The following ERBB4 variants were observed in gnomAD, a reference collection of about 807,000 sequenced individuals.
ERBB4 encodes the protein erb-b2 receptor tyrosine kinase 4, also known as receptor tyrosine-protein kinase erbB-4.
In ERBB4, 42 loss-of-function variants were observed where a neutral mutation model predicts 158.0. The observed-to-expected ratio is 0.27, with a 90% confidence interval of 0.21 to 0.34. The LOEUF (loss-of-function observed/expected upper bound fraction) is 0.34, where lower values mean the gene tolerates loss of function less well. ERBB4 is among the 10% of genes least tolerant of loss of function. ERBB4 has a pLI of 1.00. For synonymous variants in ERBB4, 583 were observed against 558.7 expected (o/e 1.04, Z -0.61); for missense variants, 1,333 against 1,624.1 (o/e 0.82, Z 3.08).
chr2:212,464,262 C>A (rs1421875210), intron 1 of ERBB4, among the ~76,000 whole-genome samples: 1 of 151,984 alleles, frequency 6.6e-6, no homozygotes, highest in Non-Finnish European at 1.5e-5. Flanking sequence ...ATTTTAAGAA[C>A]CTCACAAAAA....
chr2:211,690,151 T>C (rs780243773), intron 12 of ERBB4, among the ~76,000 whole-genome samples: 1 of 151,414 alleles, frequency 6.6e-6, no homozygotes, highest in Non-Finnish European at 1.5e-5. Flanking sequence ...TAAGTTAGTG[T>C]TCTAACTTAA....
At chr2:212,009,958 TA>T (rs1358653332) in intron 2 of ERBB4, among the ~76,000 whole-genome samples, 1 of 152,230 alleles carries the variant, frequency 6.6e-6, no homozygotes, top group Non-Finnish European at 1.5e-5. Context: ...CTATCCCTCA[TA>T]AGCCAGAATA....
At chr2:211,451,294 ATGT>A (rs1297532492) in intron 20 of ERBB4, among the ~76,000 whole-genome samples, 2 of 152,162 alleles carry the variant, frequency 1.3e-5, no homozygotes, top group Admixed American at 6.5e-5. Flanking sequence ...GTCATTAGTG[ATGT>A]TGTTGATAAA....
chr2:212,384,120 A>T (rs568712070), intron 1 of ERBB4, among the ~76,000 whole-genome samples: 26 of 151,772 alleles, frequency 1.7e-4, no homozygotes, highest in Non-Finnish European at 3.1e-4. Flanking sequence ...GTGGCTACAA[A>T]CTCTTAATAA....
intron 20 of ERBB4, among the ~76,000 whole-genome samples, chr2:211,466,077 T>A (rs1487359461): frequency 6.6e-6 from 1 of 152,138 alleles, no homozygotes; most frequent in African/African-American, 2.4e-5. Context: ...AGTGAAGTCC[T>A]TGTGAATGTA....
chr2:211,725,851 A>G (rs1413868235), intron 5 of ERBB4, among the ~76,000 whole-genome samples: 1 of 151,890 alleles, frequency 6.6e-6, no homozygotes, highest in Non-Finnish European at 1.5e-5. Flanking sequence ...AAGGGGAGGG[A>G]AAGGAGGAAG....
At chr2:212,436,631 C>T (rs1228012162) in intron 1 of ERBB4, among the ~76,000 whole-genome samples, 4 of 151,898 alleles carry the variant, frequency 2.6e-5, no homozygotes, top group Admixed American at 6.6e-5. Context: ...ATATTATTTG[C>T]CATTTTTGAC....
chr2:211,794,989 A>T (rs1559525556), intron 3 of ERBB4, among the ~76,000 whole-genome samples: 1 of 151,830 alleles, frequency 6.6e-6, no homozygotes, highest in African/African-American at 2.4e-5. Context: ...TCTACAGAAA[A>T]TTTCTCATAG....
chr2:212,296,282 A>G (rs1183972600), intron 1 of ERBB4, among the ~76,000 whole-genome samples: 2 of 151,922 alleles, frequency 1.3e-5, no homozygotes, highest in South Asian at 2.1e-4. Context: ...ACTAATTTCT[A>G]TTTACCAATA....
intron 1 of ERBB4, among the ~76,000 whole-genome samples, chr2:212,235,850 A>G (rs1038429184): frequency 1.3e-5 from 2 of 152,212 alleles, no homozygotes; most frequent in Non-Finnish European, 2.9e-5. Context: ...GTTGCTTATC[A>G]GCTTAAGGAG....
At chr2:211,515,896 T>TTATATATATA (rs1206265176) in intron 20 of ERBB4, among the ~76,000 whole-genome samples, 2 of 88,956 alleles carry the variant, frequency 2.2e-5, no homozygotes, top group African/African-American at 1.0e-4. Flanking sequence ...AAAACATATA[T>TTATATATATA]TATATATATA....
chr2:212,033,208 T>C (rs2076941448), intron 2 of ERBB4, among the ~76,000 whole-genome samples: 1 of 152,042 alleles, frequency 6.6e-6, no homozygotes, highest in African/African-American at 2.4e-5. Flanking sequence ...TTTCACTTAT[T>C]CTTTGTACAC....
At chr2:211,497,781 G>C (rs1321726776) in intron 20 of ERBB4, among the ~76,000 whole-genome samples, 1 of 152,064 alleles carries the variant, frequency 6.6e-6, no homozygotes, top group African/African-American at 2.4e-5. Context: ...ATTTGAAAAA[G>C]TAAATAAAAT....
intron 3 of ERBB4, among the ~76,000 whole-genome samples, chr2:211,878,342 G>A (rs572989407): frequency 6.6e-6 from 1 of 151,996 alleles, no homozygotes; most frequent in African/African-American, 2.4e-5. Flanking sequence ...CTTTTTGAAA[G>A]AAAGAGATAA....
At chr2:212,091,910 G>C (rs960392100) in intron 2 of ERBB4, among the ~76,000 whole-genome samples, 1 of 152,012 alleles carries the variant, frequency 6.6e-6, no homozygotes, top group Admixed American at 6.6e-5. Flanking sequence ...ACTCCAGACA[G>C]TGTTCCCACT....
chr2:211,658,892 A>C (rs756518994), intron 15 of ERBB4, among the ~76,000 whole-genome samples: 2 of 152,098 alleles, frequency 1.3e-5, no homozygotes, highest in Non-Finnish European at 2.9e-5. Context: ...AATATACTCG[A>C]ACTCTTTATC....
rs1691749076 is a variant in ERBB4, at chr2:212,515,115, G to C, written c.82+23334C>G. 2.0e-5 allele frequency among the ~76,000 whole-genome samples: 3 copies of C among 152,134 alleles called. No individual in the cohort carries two copies. The South Asian group carries it at 6.2e-4, about 32-fold the overall frequency. On this transcript the variant is annotated intron_variant, in intron 1 of 27. Transcript: ENST00000342788. ...TGTCAAAATCTGAGTATGAAGGAAA[G>C]GAAAGCTGAAACACTTTTGGTTATG...
chr2:212,228,678 C>A (rs4673654), intron 1 of ERBB4, among the ~76,000 whole-genome samples: 58,131 of 147,628 alleles, frequency 0.39, 12,929 homozygotes, highest in East Asian at 0.76. Flanking sequence ...AATCAGTAAA[C>A]CCCACCTTGC....
intron 1 of ERBB4, among the ~76,000 whole-genome samples, chr2:212,450,848 A>G (rs1411737234): frequency 6.7e-6 from 1 of 149,752 alleles, no homozygotes; most frequent in East Asian, 1.9e-4. Context: ...AAACAAGGCC[A>G]GGCATGGTGG....
Sources: allele counts gnomAD v4.1 joint callset (sites outside exome capture counted in the v4.1 genomes callset), GRCh38; gene constraint gnomAD v4.1.1; transcripts MANE v1.5; gene names NCBI Gene and HGNC (gene_info 2026-07-23, HGNC 2026-07-21).